The following HEATR1 variants were observed in gnomAD, a reference collection of about 807,000 sequenced individuals.
HEATR1 encodes the protein HEAT repeat containing 1, also known as HEAT repeat-containing protein 1.
HEATR1 carries 77 observed loss-of-function variants against 248.2 expected under a neutral mutation model. That is an observed-to-expected ratio of 0.31 (90% CI 0.26 to 0.37). The LOEUF (loss-of-function observed/expected upper bound fraction) is 0.37. HEATR1 is among the 10% of genes least tolerant of loss of function. The probability of loss-of-function intolerance (pLI) is 1.00; values close to 1 mark genes in which losing one functional copy is unlikely to be tolerated. For synonymous variants in HEATR1, 897 were observed against 923.1 expected, an observed-to-expected ratio of 0.97 and a Z score of 0.51; for missense variants, 2,420 against 2,504.9, an observed-to-expected ratio of 0.97 and a Z score of 0.72.
chr1:236,595,816 A>T lies in HEATR1; in HGVS notation c.956+17T>A. ...TCACCTCTGACTAGCACCATTTCTC[A>T]ATTCAATTGTACATACTTTTTCCCA... On this transcript the variant is annotated intron_variant, in intron 7 of 44. Transcript: ENST00000366582. The T allele has an allele frequency of 6.3e-7, 1 of 1,599,234 alleles. No homozygotes were observed. The highest frequency in any genetic ancestry group is 8.6e-7 in the Non-Finnish European group (1 of 1,166,966).
chr1:236,555,410 A>G lies in HEATR1; in HGVS notation c.5809T>C (p.Tyr1937His). The change falls in exon 41 of 45, where the codon TAC (tyrosine) becomes CAC (histidine). Residue 1937 changes from tyrosine to histidine, a missense_variant. Physicochemically the swap from Tyr to His is moderately conservative, Grantham distance 83. Transcript: ENST00000366582. ...DAPKDRLLTF[Y>H]NLADCIAEKL... ...TCAGCAATGCAATCTGCCAAGTTGT[A>G]AAATGTCAACAACCTGTCCTTTGGG... 6.2e-7 allele frequency: 1 copy of G among 1,614,248 alleles called. No individual in the cohort carries two copies. Among genetic ancestry groups the G allele is most frequent in the South Asian group, 1.1e-5 (1 of 91,092 alleles).
intron 20 of HEATR1, among the ~76,000 whole-genome samples, chr1:236,579,680 T>TA (rs1223189329): frequency 6.6e-6 from 1 of 152,096 alleles, no homozygotes; most frequent in African/African-American, 2.4e-5. Context: ...ACCTTAACAG[T>TA]AAACTCACCT....
At chr1:236,554,257 A>G (rs1236903829) in intron 42 of HEATR1, among the ~76,000 whole-genome samples, 1 of 151,904 alleles carries the variant, frequency 6.6e-6, no homozygotes, top group Non-Finnish European at 1.5e-5. Flanking sequence ...CCAGGTGTGG[A>G]GGCGGGCGCC....
intron 9 of HEATR1, among the ~76,000 whole-genome samples, chr1:236,593,386 AACC>A (rs1365575052): frequency 6.6e-6 from 1 of 151,966 alleles, no homozygotes; most frequent in Admixed American, 6.6e-5. Context: ...TTAATTCACA[AACC>A]AACCCTCTGA....
rs1664166293 is a variant in HEATR1, at chr1:236,595,924, T to C, written c.865A>G (p.Thr289Ala). ...ATCAAAGAGGGAATCTTGGTCAATG[T>C]TTTGATGATCTGTGATGCCAATGAA... ...VNSLASQIIK[T>A]LTKIPSLIKD... Residue 289 changes from threonine to alanine, a missense_variant, in exon 7 of 45, where the codon ACA (threonine) becomes GCA (alanine). By Grantham distance (58) the Thr-to-Ala change is moderately conservative. Transcript: ENST00000366582. The C allele has an allele frequency of 1.9e-6, 3 of 1,613,902 alleles. No homozygotes were observed. In the South Asian group the frequency reaches 3.3e-5, roughly 18 times the overall value.
intron 12 of HEATR1, among the ~76,000 whole-genome samples, chr1:236,590,141 G>A (rs1358419055): frequency 6.6e-6 from 1 of 152,128 alleles, no homozygotes; most frequent in African/African-American, 2.4e-5. Flanking sequence ...CGAAACTGCA[G>A]GCACCAAAAT....
chr1:236,588,736 T>C (rs1233311824), intron 12 of HEATR1, among the ~76,000 whole-genome samples: 1 of 152,204 alleles, frequency 6.6e-6, no homozygotes, highest in Non-Finnish European at 1.5e-5. Flanking sequence ...TATATCCCTA[T>C]CTATATGTGG....
In HEATR1 at chr1:236,571,582, C is replaced by T. The variant is rs1663427536; in HGVS notation, c.3812G>A (p.Gly1271Asp). The T allele has an allele frequency of 6.2e-7, 1 of 1,613,572 alleles. No homozygotes were observed. The highest frequency in any genetic ancestry group is 1.7e-5 in the Admixed American group (1 of 59,960). ...AAAGTACCTACCTTTGGGTATTTTG[C>T]CACCATCTGGAGATAGTTTTTGGCA... ...NICQKLSPDG[G>D]KIPKDILDEE... The change falls in exon 27 of 45, where the codon GGC becomes GAC. Residue 1271 changes from glycine to aspartate, a missense_variant. Physicochemically the swap from Gly to Asp is moderately conservative, Grantham distance 94. Transcript: ENST00000366582.
chr1:236,565,839 T>G, intron 31 of HEATR1, 80 bp downstream of exon 31: 1 of 1,318,018 alleles, frequency 7.6e-7, no homozygotes, highest in South Asian at 1.4e-5. Context: ...TCTGAAGATG[T>G]ACTAAGGATA....
chr1:236,551,117 A>C (rs1662719171), intron 44 of HEATR1, 127 bp from the exon 45 acceptor site: 4 of 749,340 alleles, frequency 5.3e-6, no homozygotes, highest in Non-Finnish European at 8.4e-6. Flanking sequence ...GAAATGAAGC[A>C]CATTAACAAA....
intron 32 of HEATR1, among the ~76,000 whole-genome samples, chr1:236,563,667 T>G (rs1473639228): frequency 6.6e-6 from 1 of 152,256 alleles, no homozygotes; most frequent in Non-Finnish European, 1.5e-5. Flanking sequence ...TAACGCATTA[T>G]AGGACCTAAT....
chr1:236,587,357 G>T, intron 14 of HEATR1, 45 bp downstream of exon 14: 16 of 875,894 alleles, frequency 1.8e-5, no homozygotes, highest in Non-Finnish European at 2.5e-5. Flanking sequence ...CTTGATATAA[G>T]AACTTCATCA....
chr1:236,554,852 G>T, intron 41 of HEATR1, 100 bp from the exon 42 acceptor site: 1 of 1,055,340 alleles, frequency 9.5e-7, no homozygotes. Flanking sequence ...TAAATCAGAA[G>T]AGTCTAAAAT....
chr1:236,551,079 T>C (rs1377349832), intron 44 of HEATR1, 89 bp from the exon 45 acceptor site: 2 of 1,026,544 alleles, frequency 1.9e-6, no homozygotes, highest in African/African-American at 1.6e-5. Context: ...TGCCTTGCAC[T>C]TTCCGGCAAT....
chr1:236,582,865 T>A lies in HEATR1; in HGVS notation c.2433A>T (p.Ile811=), dbSNP rs766266124. 35 of 1,613,970 alleles carry A rather than the reference T, an allele frequency of 2.2e-5. No homozygotes were observed. In the Admixed American group the frequency reaches 4.8e-4, roughly 22 times the overall value. The change falls in exon 19 of 45, where the codon ATA becomes ATT. Residue 811 remains isoleucine, a synonymous_variant. Coordinates refer to ENST00000366582, the MANE Select transcript of HEATR1 (RefSeq NM_018072.6). ...KAPKSFPKGD[I]WWNPEQLKED... ...CTTTCAGTTGTTCAGGATTCCACCA[T>A]ATATCACCTACAAGGACATGGAAAG...
At chr1:236,582,136 GCT>G (rs1176087744) in intron 19 of HEATR1, among the ~76,000 whole-genome samples, 2 of 151,752 alleles carry the variant, frequency 1.3e-5, no homozygotes, top group African/African-American at 4.8e-5. Flanking sequence ...ATGGAGTCTC[GCT>G]CTGTCGCCCA....
intron 39 of HEATR1, 25 bp downstream of exon 39, chr1:236,555,779 AT>A: frequency 1.2e-6 from 2 of 1,613,972 alleles, no homozygotes; most frequent in Non-Finnish European, 1.7e-6. Context: ...CAGCTTTAGG[AT>A]TTGGAGGAGT....
At chr1:236,558,879 A>T (rs577633766) in intron 35 of HEATR1, 116 bp downstream of exon 35, 2 of 885,616 alleles carry the variant, frequency 2.3e-6, no homozygotes, top group African/African-American at 1.7e-5. Context: ...TATTATATTC[A>T]GAAAATAATA....
chr1:236,581,079 A>G, intron 20 of HEATR1, 143 bp downstream of exon 20: 1 of 627,726 alleles, frequency 1.6e-6, no homozygotes, highest in East Asian at 2.9e-5. Flanking sequence ...CGGCCTCCCA[A>G]AGTGCTGGGA....
Sources: gnomAD v4.1 joint callset for allele counts (sites outside exome capture counted in the v4.1 genomes callset) on GRCh38, gnomAD v4.1.1 for gene constraint, MANE v1.5 for transcripts, NCBI Gene and HGNC (gene_info 2026-07-23, HGNC 2026-07-21) for gene names.